PPM1H: variants seen among roughly 807,000 people sequenced by gnomAD.
PPM1H encodes the protein protein phosphatase, Mg2+/Mn2+ dependent 1H, also known as protein phosphatase 1H.
In PPM1H, 27 loss-of-function variants were observed where a neutral mutation model predicts 54.9. The ratio of observed to expected loss-of-function variants is 0.49; its 90% CI spans 0.36 to 0.68. PPM1H has a LOEUF of 0.68. PPM1H is among the 30% of genes least tolerant of loss of function. The pLI is 0.00. For synonymous variants in PPM1H, 305 were observed against 270.8 expected (o/e 1.13, Z -1.24); for missense variants, 596 against 667.8 (o/e 0.89, Z 1.19).
In PPM1H at chr12:62,934,556, T is replaced by G. The variant is rs1872259587; in HGVS notation, c.181A>C (p.Ile61Leu). 2 of 1,552,980 alleles carry G rather than the reference T, an allele frequency of 1.3e-6. No homozygotes were observed. The highest frequency in any genetic ancestry group is 1.2e-5 in the South Asian group (1 of 84,282). The change falls in exon 1 of 10, where the codon ATC (isoleucine) becomes CTC (leucine). Residue 61 changes from isoleucine (I) to leucine (L), a missense_variant. Around this residue, in one of 3 missense-constraint regions of PPM1H, gnomAD observed 382 missense variants for 387.1 expected, o/e 0.99. Transcript: ENST00000228705. The surrounding 1 kb of genome is among the most constrained non-coding windows in gnomAD (Gnocchi z 4.2). ...QDEVECSADH[I>L]ARPILILKET... Reference sequence around the variant, plus strand: ...TTGAGGATGAGGATGGGGCGGGCGATGTGGTCGGCGCTGCACTCCACCTCG... The same window carrying G: ...TTGAGGATGAGGATGGGGCGGGCGAGGTGGTCGGCGCTGCACTCCACCTCG...
At chr12:62,860,603 GT>G (rs1869563464) in intron 1 of PPM1H, among the ~76,000 whole-genome samples, 1 of 152,112 alleles carries the variant, frequency 6.6e-6, no homozygotes, top group Non-Finnish European at 1.5e-5. Context: ...AATTCTCCAA[GT>G]TGTCCAAGGT....
intron 1 of PPM1H, among the ~76,000 whole-genome samples, chr12:62,912,895 T>A (rs1225763820): frequency 1.3e-5 from 2 of 152,200 alleles, no homozygotes; most frequent in Non-Finnish European, 2.9e-5. Flanking sequence ...CCTGGCACTG[T>A]CAAAAACCAT....
intron 1 of PPM1H, among the ~76,000 whole-genome samples, chr12:62,849,324 T>C (rs12301982): frequency 0.068 from 10,329 of 152,304 alleles, 1,229 homozygotes; most frequent in African/African-American, 0.23. Context: ...TGTGATTTAA[T>C]TGCATATTGT....
intron 8 of PPM1H, among the ~76,000 whole-genome samples, chr12:62,674,187 A>G (rs2136619972): frequency 6.6e-6 from 1 of 152,312 alleles, no homozygotes; most frequent in Middle Eastern, 3.4e-3. Context: ...CAGGGCAACC[A>G]CATCTGAATA....
rs982188953 is a variant in PPM1H at position 62,927,194 on chromosome 12, C to T, written c.245+7298G>A. Among the ~76,000 whole-genome samples, 18 of 152,288 alleles carry T rather than the reference C, an allele frequency of 1.2e-4. No individual in the cohort carries two copies. In the South Asian group the frequency reaches 3.5e-3, roughly 30 times the overall value. On this transcript the variant is annotated intron_variant, in intron 1 of 9. Coordinates refer to ENST00000228705, the MANE Select transcript of PPM1H (RefSeq NM_020700.2). Reference sequence around the variant, plus strand: ...GTATCACAGTTGTGAATGTGCATAGCTTCTAACCAAGCTTTCCATGTCTAG... The same window carrying T: ...GTATCACAGTTGTGAATGTGCATAGTTTCTAACCAAGCTTTCCATGTCTAG...
At chr12:62,800,629 G>A (rs2120742128) in intron 3 of PPM1H, among the ~76,000 whole-genome samples, 1 of 152,140 alleles carries the variant, frequency 6.6e-6, no homozygotes, top group African/African-American at 2.4e-5. Context: ...GAACCACCGT[G>A]CCCGGCCTGT....
At chr12:62,862,376 A>G (rs768084878) in intron 1 of PPM1H, among the ~76,000 whole-genome samples, 3 of 152,236 alleles carry the variant, frequency 2.0e-5, no homozygotes, top group Non-Finnish European at 2.9e-5. Context: ...TTCACTACAT[A>G]TAAGGCTGTG....
intron 3 of PPM1H, among the ~76,000 whole-genome samples, chr12:62,801,590 G>A (rs980310934): frequency 6.6e-6 from 1 of 152,160 alleles, no homozygotes; most frequent in Non-Finnish European, 1.5e-5. Flanking sequence ...TCAAGCGTGA[G>A]CCACCGCACT....
intron 5 of PPM1H, among the ~76,000 whole-genome samples, chr12:62,722,160 C>A (rs1160536937): frequency 6.6e-6 from 1 of 151,958 alleles, no homozygotes; most frequent in Non-Finnish European, 1.5e-5. Context: ...TATTTTAGTC[C>A]GCCCATGAAA....
chr12:62,817,461 CAAAA>C (rs201526974), intron 2 of PPM1H, among the ~76,000 whole-genome samples: 25 of 134,762 alleles, frequency 1.9e-4, no homozygotes, highest in South Asian at 1.2e-3. Flanking sequence ...GACCCTGTCT[CAAAA>C]AAAAACAAAC....
intron 1 of PPM1H, among the ~76,000 whole-genome samples, chr12:62,858,400 G>T (rs1353563313): frequency 6.6e-6 from 1 of 152,064 alleles, no homozygotes; most frequent in Admixed American, 6.6e-5. Context: ...AGCTAATTTA[G>T]GCTCATTTTT....
chr12:62,835,496 A>T (rs994096441), intron 1 of PPM1H, among the ~76,000 whole-genome samples: 1 of 152,202 alleles, frequency 6.6e-6, no homozygotes, highest in Admixed American at 6.5e-5. Flanking sequence ...CAATGACTCA[A>T]ACCCAGGGAA....
At chr12:62,831,892 T>C (rs963624203) in intron 2 of PPM1H, among the ~76,000 whole-genome samples, 1 of 151,914 alleles carries the variant, frequency 6.6e-6, no homozygotes, top group Non-Finnish European at 1.5e-5. Context: ...GGGTGTTTCA[T>C]TTACTTTGTG....
At chr12:62,909,236 G>A (rs945696427) in intron 1 of PPM1H, among the ~76,000 whole-genome samples, 13 of 152,006 alleles carry the variant, frequency 8.6e-5, no homozygotes, top group African/African-American at 1.2e-4. Context: ...TCTTATACCC[G>A]GAGTAATGCA....
chr12:62,934,833 G>A lies in PPM1H; in HGVS notation c.-97C>T, dbSNP rs1249110605. On this transcript the variant is annotated 5_prime_UTR_variant, in exon 1 of 10. Transcript: ENST00000228705. The surrounding 1 kb of genome is among the most constrained non-coding windows in gnomAD (Gnocchi z 4.2). ...ATGCAGGCTGCGGTGGGCGCCGGGCGCACGGCGAGTCGGGCCACTGGGACG... is the reference window on the plus strand; with the variant it reads ...ATGCAGGCTGCGGTGGGCGCCGGGCACACGGCGAGTCGGGCCACTGGGACG... 3.2e-5 allele frequency: 38 copies of A among 1,200,408 alleles called. No homozygotes were observed. Among genetic ancestry groups the A allele is most frequent in the African/African-American group, 4.8e-5 (3 of 62,712 alleles). The allele number at this position is 1,200,408 out of a possible 1,614,324, so 74.4% of individuals were successfully genotyped here. A position where few individuals can be genotyped will look rare whatever the true frequency, so the allele number is the denominator to read the frequency against.
chr12:62,687,562 CTT>C (rs559654707), intron 8 of PPM1H, among the ~76,000 whole-genome samples: 91 of 141,612 alleles, frequency 6.4e-4, no homozygotes, highest in Non-Finnish European at 6.1e-4. Flanking sequence ...TCTTGCAGTA[CTT>C]TTTTTTTTTT....
At chr12:62,861,910 T>C (rs180700286) in intron 1 of PPM1H, among the ~76,000 whole-genome samples, 36 of 152,354 alleles carry the variant, frequency 2.4e-4, no homozygotes, top group Non-Finnish European at 4.0e-4. Context: ...ATCTGTATTA[T>C]GAAAAATTTC....
At chr12:62,717,559 A>G (rs2076242390) in intron 6 of PPM1H, among the ~76,000 whole-genome samples, 3 of 152,198 alleles carry the variant, frequency 2.0e-5, no homozygotes, top group Admixed American at 1.3e-4. Flanking sequence ...ATAAAGTTGG[A>G]TATAATCTAG....
intron 6 of PPM1H, among the ~76,000 whole-genome samples, chr12:62,699,552 G>C (rs1022447059): frequency 2.6e-5 from 4 of 152,186 alleles, no homozygotes. Flanking sequence ...AATCTTGTCT[G>C]GTGGAGAAGC....
Sources: allele counts gnomAD v4.1 joint callset (sites outside exome capture counted in the v4.1 genomes callset), GRCh38; gene constraint gnomAD v4.1.1; regional missense constraint gnomAD v4.1.1; non-coding constraint Gnocchi (gnomAD v3.1); transcripts MANE v1.5; gene names NCBI Gene and HGNC (gene_info 2026-07-23, HGNC 2026-07-21).